SHISA4: variants seen among roughly 807,000 people sequenced by gnomAD.
The protein encoded by SHISA4 is shisa family member 4.
A neutral mutation model predicts 24.2 loss-of-function variants in SHISA4; 16 were observed. That is an observed-to-expected ratio of 0.66 (90% CI 0.45 to 1.00). SHISA4 has a LOEUF of 1.00. Among genes scored for constraint, SHISA4 ranks in the 50% least tolerant of loss-of-function variants. The pLI is 0.00. For missense variants in SHISA4, 238 were observed against 258.9 expected (o/e 0.92, Z 0.55); for synonymous variants, 106 against 105.4 (o/e 1.01, Z -0.04).
Position 201,889,548 on chromosome 1 carries a change from T to G in SHISA4, c.177T>G (p.His59Gln). ...CCTTCTGCTGCGGGACCTGCTACCATCGGTACTGCTGCAGGGACCTGACCT... is the reference window on the plus strand; with the variant it reads ...CCTTCTGCTGCGGGACCTGCTACCAGCGGTACTGCTGCAGGGACCTGACCT... ...FFTFCCGTCY[H>Q]RYCCRDLTLL... The change falls in exon 2 of 5, where the codon CAT (histidine) becomes CAG (glutamine). Residue 59 changes from histidine (H) to glutamine (Q), a missense_variant. Physicochemically the swap from His to Gln is conservative, Grantham distance 24. Transcript: ENST00000362011. 1 of 1,614,104 alleles carries G rather than the reference T, an allele frequency of 6.2e-7. No individual in the cohort carries two copies. The highest frequency in any genetic ancestry group is 1.6e-4 in the Middle Eastern group (1 of 6,062).
At chr1:201,889,706 G>A (rs1286289827) in intron 2 of SHISA4, 90 bp downstream of exon 2, 10 of 1,449,664 alleles carry the variant, frequency 6.9e-6, no homozygotes, top group East Asian at 2.3e-5. Flanking sequence ...TGCCTCCTCC[G>A]TTGTCGACCT....
At position 201,891,942 on chromosome 1, in the gene SHISA4, C is replaced by A; in HGVS notation, c.*96C>A. ...ATCTGGTCCTGGGGGTGGCAGGAGT[C>A]CTCCAGCCACCAGGCCCCAGACCAA... On this transcript the variant is annotated 3_prime_UTR_variant, in exon 5 of 5. Coordinates refer to ENST00000362011, the MANE Select transcript of SHISA4 (RefSeq NM_198149.3). The A allele has an allele frequency of 2.8e-6, 4 of 1,439,056 alleles. No homozygotes were observed. The highest frequency in any genetic ancestry group is 1.1e-5 in the South Asian group (1 of 87,024). 89.1% of individuals were successfully genotyped at this position (1,439,056 alleles called of 1,614,324 possible). A position where few individuals can be genotyped will look rare whatever the true frequency, so the allele number is the denominator to read the frequency against.
In SHISA4 at chr1:201,889,712, G is replaced by T. The variant is rs1000470261; in HGVS notation, c.245+96G>T. On this transcript the variant is annotated intron_variant, in intron 2 of 4. Transcript: ENST00000362011. ...CCGGACTCCTGCCTCCTCCGTTGTC[G>T]ACCTCCACATTCTTAGCTGAATAGA... is the stretch of plus-strand genomic sequence containing the variant. The T allele has an allele frequency of 1.1e-5, 16 of 1,416,934 alleles. No individual in the cohort carries two copies. The African/African-American group carries it at 2.3e-4, about 20-fold the overall frequency. The allele number at this position is 1,416,934 out of a possible 1,614,324, so 87.8% of individuals were successfully genotyped here.
intron 2 of SHISA4, 82 bp from the exon 3 acceptor site, chr1:201,890,372 C>G: frequency 1.3e-6 from 2 of 1,551,310 alleles, no homozygotes; most frequent in Non-Finnish European, 1.7e-6. Context: ...GGCCCCCCTG[C>G]TGGCCAGGAG....
At position 201,890,568 on chromosome 1, in the gene SHISA4, G is replaced by C; in HGVS notation, c.360G>C (p.Gln120His). 6.2e-7 allele frequency: 1 copy of C among 1,614,232 alleles called. No individual in the cohort carries two copies. The highest frequency in any genetic ancestry group is 8.5e-7 in the Non-Finnish European group (1 of 1,180,036). Residue 120 changes from glutamine (Q) to histidine (H), a missense_variant, in exon 3 of 5, where the codon CAG (glutamine) becomes CAC (histidine). Transcript: ENST00000362011. ...GCTACCTGTACCGCCGGCGCCAGCA[G>C]CTCCAGAGCCCATTTGAAGGTACAC... Reference protein sequence around the residue: ...SCCYLYRRRQQLQSPFEGQEI... With the variant: ...SCCYLYRRRQHLQSPFEGQEI...
At position 201,889,543 on chromosome 1, in the gene SHISA4, T is replaced by A. The variant is rs770285392; in HGVS notation, c.172T>A (p.Tyr58Asn). Residue 58 changes from tyrosine to asparagine, a missense_variant, in exon 2 of 5, where the codon TAC becomes AAC. By Grantham distance (143) the Tyr-to-Asn change is moderately radical (BLOSUM62 -2). Coordinates refer to ENST00000362011, the MANE Select transcript of SHISA4 (RefSeq NM_198149.3). Reference sequence around the variant, plus strand: ...CTTCACCTTCTGCTGCGGGACCTGCTACCATCGGTACTGCTGCAGGGACCT... The same window carrying A: ...CTTCACCTTCTGCTGCGGGACCTGCAACCATCGGTACTGCTGCAGGGACCT... The part of the protein sequence containing the change: ...EFFTFCCGTC[Y>N]HRYCCRDLTL... 7 of 1,613,976 alleles carry A rather than the reference T, an allele frequency of 4.3e-6. No individual in the cohort carries two copies. Among genetic ancestry groups the A allele is most frequent in the Non-Finnish European group, 5.9e-6 (7 of 1,180,018 alleles).
Position 201,891,576 on chromosome 1 carries a change from A to G in SHISA4, c.547+8A>G, listed in dbSNP as rs775048464. ...CAGTCTACAACCCTGCAGGTAAGTAAGCAATCTGGAGCCCCTTGCTGCTGC... is the reference window on the plus strand; with the variant it reads ...CAGTCTACAACCCTGCAGGTAAGTAGGCAATCTGGAGCCCCTTGCTGCTGC... On this transcript the variant is annotated splice_region_variant and intron_variant, in intron 4 of 4. Coordinates refer to ENST00000362011, the MANE Select transcript of SHISA4 (RefSeq NM_198149.3). The G allele has an allele frequency of 6.2e-7, 1 of 1,601,466 alleles. No individual in the cohort carries two copies. The highest frequency in any genetic ancestry group is 1.1e-5 in the South Asian group (1 of 89,360).
chr1:201,892,141 C>T lies in SHISA4; in HGVS notation c.*295C>T. On this transcript the variant is annotated 3_prime_UTR_variant, in exon 5 of 5. Transcript: ENST00000362011. ...CCTGTTTTCAAATAGTCCCTCTGCT[C>T]CCAAGATCCCAGCCAGGAAGGCTGG... is the stretch of plus-strand genomic sequence containing the variant. 5.2e-6 allele frequency: 2 copies of T among 386,532 alleles called. No individual in the cohort carries two copies. Among genetic ancestry groups the T allele is most frequent in the South Asian group, 3.2e-5 (1 of 31,138 alleles). 23.9% of individuals were successfully genotyped at this position (386,532 alleles called of 1,614,324 possible).
Position 201,891,908 on chromosome 1 carries a change from T to A in SHISA4, c.*62T>A. The A allele has an allele frequency of 6.3e-7, 1 of 1,587,328 alleles. No homozygotes were observed. The highest frequency in any genetic ancestry group is 1.3e-5 in the African/African-American group (1 of 74,404). Reference sequence around the variant, plus strand: ...CCAACCTTGGGAGATGCCCTCATCCTGTACCTGCATCTGGTCCTGGGGGTG... The same window carrying A: ...CCAACCTTGGGAGATGCCCTCATCCAGTACCTGCATCTGGTCCTGGGGGTG... On this transcript the variant is annotated 3_prime_UTR_variant, in exon 5 of 5. Transcript: ENST00000362011.
rs1681040961 is a variant in SHISA4 at position 201,889,073 on chromosome 1, G to C, written c.73+6G>C. 2.1e-6 allele frequency: 3 copies of C among 1,405,720 alleles called. No homozygotes were observed. Among genetic ancestry groups the C allele is most frequent in the Non-Finnish European group, 2.8e-6 (3 of 1,076,472 alleles). 87.1% of individuals were successfully genotyped at this position (1,405,720 alleles called of 1,614,324 possible). A position where few individuals can be genotyped will look rare whatever the true frequency, so the allele number is the denominator to read the frequency against. On this transcript the variant is annotated splice_donor_region_variant and intron_variant, in intron 1 of 4. Transcript: ENST00000362011. Reference sequence around the variant, plus strand: ...GGTGCTGGGGGCTCCCCTGGGTAAGGGGATGGGGAGAGATGCGGCAGGAGT... The same window carrying C: ...GGTGCTGGGGGCTCCCCTGGGTAAGCGGATGGGGAGAGATGCGGCAGGAGT...
chr1:201,891,694 C>A, intron 4 of SHISA4, 106 bp from the exon 5 acceptor site: 1 of 1,549,420 alleles, frequency 6.5e-7, no homozygotes, highest in Admixed American at 1.7e-5. Flanking sequence ...CCCGAAACCT[C>A]CAGGCCCACT....
At position 201,889,074 on chromosome 1, in the gene SHISA4, G is replaced by T; in HGVS notation, c.73+7G>T. 7.1e-7 allele frequency: 1 copy of T among 1,409,336 alleles called. No individual in the cohort carries two copies. The highest frequency in any genetic ancestry group is 9.3e-7 in the Non-Finnish European group (1 of 1,078,386). 87.3% of individuals were successfully genotyped at this position (1,409,336 alleles called of 1,614,324 possible). A position where few individuals can be genotyped will look rare whatever the true frequency, so the allele number is the denominator to read the frequency against. On this transcript the variant is annotated splice_region_variant and intron_variant, in intron 1 of 4. Transcript: ENST00000362011. Reference sequence around the variant, plus strand: ...GTGCTGGGGGCTCCCCTGGGTAAGGGGATGGGGAGAGATGCGGCAGGAGTG... The same window carrying T: ...GTGCTGGGGGCTCCCCTGGGTAAGGTGATGGGGAGAGATGCGGCAGGAGTG...
chr1:201,888,968 C>A lies in SHISA4; in HGVS notation c.-27C>A. The A allele has an allele frequency of 7.3e-7, 1 of 1,374,080 alleles. No homozygotes were observed. The highest frequency in any genetic ancestry group is 9.4e-7 in the Non-Finnish European group (1 of 1,060,456). 85.1% of individuals were successfully genotyped at this position (1,374,080 alleles called of 1,614,324 possible). ...CCTGCGGTCCCTTCTCTGGGAGGCCCGACCCCGGCCGCGCCCAGCCCCCAC... is the reference window on the plus strand; with the variant it reads ...CCTGCGGTCCCTTCTCTGGGAGGCCAGACCCCGGCCGCGCCCAGCCCCCAC... On this transcript the variant is annotated 5_prime_UTR_variant, in exon 1 of 5. Coordinates refer to ENST00000362011, the MANE Select transcript of SHISA4 (RefSeq NM_198149.3).
chr1:201,889,916 C>T (rs539557359), intron 2 of SHISA4, among the ~76,000 whole-genome samples: 14 of 152,256 alleles, frequency 9.2e-5, no homozygotes, highest in African/African-American at 3.1e-4. Context: ...TCAAGGTTAA[C>T]ACCCGGACGA....
chr1:201,890,639 A>G (rs1275022513), intron 3 of SHISA4, 52 bp downstream of exon 3: 9 of 1,602,646 alleles, frequency 5.6e-6, no homozygotes, highest in Admixed American at 1.7e-5. Context: ...GCTAAGTCCA[A>G]TAATGGGCAG....
Position 201,891,888 on chromosome 1 carries a change from C to T in SHISA4, c.*42C>T, listed in dbSNP as rs2279681. The T allele has an allele frequency of 6.2e-7, 1 of 1,609,414 alleles. No individual in the cohort carries two copies. The highest frequency in any genetic ancestry group is 1.7e-4 in the Middle Eastern group (1 of 6,058). On this transcript the variant is annotated 3_prime_UTR_variant, in exon 5 of 5. Transcript: ENST00000362011. ...CTGCTGCCCCTTCAGTGATGCCAACCTTGGGAGATGCCCTCATCCTGTACC... is the reference window on the plus strand; with the variant it reads ...CTGCTGCCCCTTCAGTGATGCCAACTTTGGGAGATGCCCTCATCCTGTACC...
chr1:201,888,994 C>G lies in SHISA4; in HGVS notation c.-1C>G, dbSNP rs1357991334. On this transcript the variant is annotated 5_prime_UTR_variant, in exon 1 of 5. Transcript: ENST00000362011. ...GACCCCGGCCGCGCCCAGCCCCCAC[C>G]ATGCCACCCGCGGGGCTCCGCCGGG... 3.6e-5 allele frequency: 50 copies of G among 1,395,264 alleles called. No homozygotes were observed. In the South Asian group the frequency reaches 8.1e-4, roughly 23 times the overall value. 86.4% of individuals were successfully genotyped at this position (1,395,264 alleles called of 1,614,324 possible).
chr1:201,888,934 C>A lies in SHISA4; in HGVS notation c.-61C>A. 8.4e-7 allele frequency: 1 copy of A among 1,190,786 alleles called. No individual in the cohort carries two copies. The highest frequency in any genetic ancestry group is 2.6e-5 in the South Asian group (1 of 38,890). 73.8% of individuals were successfully genotyped at this position (1,190,786 alleles called of 1,614,324 possible). On this transcript the variant is annotated 5_prime_UTR_variant, in exon 1 of 5. Coordinates refer to ENST00000362011, the MANE Select transcript of SHISA4 (RefSeq NM_198149.3). ...GGGCCCCGCCGCAGCTCCAGCTGGC[C>A]GGCTTGGTCCTGCGGTCCCTTCTCT...
At chr1:201,889,744 A>G in intron 2 of SHISA4, 128 bp downstream of exon 2, 1 of 1,142,816 alleles carries the variant, frequency 8.8e-7, no homozygotes, top group Non-Finnish European at 1.3e-6. Context: ...TAGAGTCACC[A>G]GGACTCAAGC....
Sources: gnomAD v4.1 joint callset for allele counts (sites outside exome capture counted in the v4.1 genomes callset) on GRCh38, gnomAD v4.1.1 for gene constraint, MANE v1.5 for transcripts, NCBI Gene and HGNC (gene_info 2026-07-23, HGNC 2026-07-21) for gene names.